Variants in KIFC3 observed in about 807,000 individuals in gnomAD.
The protein encoded by KIFC3 is kinesin-like protein KIFC3.
A neutral mutation model predicts 101.8 loss-of-function variants in KIFC3; 60 were observed. The ratio of observed to expected loss-of-function variants is 0.59; its 90% CI spans 0.48 to 0.73. KIFC3 has a LOEUF of 0.73. Among genes scored for constraint, KIFC3 ranks in the 30% least tolerant of loss-of-function variants. The pLI is 0.00. For missense variants in KIFC3, 966 were observed against 1,137.1 expected (o/e 0.85, Z 2.16); for synonymous variants, 476 against 482.7 (o/e 0.99, Z 0.18).
At position 57,802,324 on chromosome 16, in the gene KIFC3, G is replaced by A. The variant is rs1417371556; in HGVS notation, c.-40+46C>T. 3.2e-6 allele frequency: 3 copies of A among 930,838 alleles called. No homozygotes were observed. The highest frequency in any genetic ancestry group is 3.8e-6 in the Non-Finnish European group (3 of 780,964). 57.7% of individuals were successfully genotyped at this position (930,838 alleles called of 1,614,324 possible). On this transcript the variant is annotated intron_variant, in intron 1 of 19. Coordinates refer to ENST00000445690, the MANE Select transcript of KIFC3 (RefSeq NM_001130100.2). This position sits in a 1 kb window ranked among gnomAD's most constrained non-coding sequence, Gnocchi z 5.0. ...CGCCCCAAACGGCGGGCCGGGCAGA[G>A]CCCAGCGCCCCGCTCGCACCCAGCC...
Position 57,760,795 on chromosome 16 carries a change from G to A in KIFC3, c.2163C>T (p.Arg721=), listed in dbSNP as rs782814113. The change falls in exon 16 of 20, where the codon CGC becomes CGT. Residue 721 remains arginine (R), a synonymous_variant. Transcript: ENST00000445690. ...LRSRQGHVPF[R]NSKLTYLLQD... The stretch of plus-strand genomic sequence containing the variant: ...GCAGCAGGTAGGTGAGCTTGGAGTT[G>A]CGGAAGGGCACGTGGCCCTGGCGGG... 14 of 1,613,850 alleles carry A rather than the reference G, an allele frequency of 8.7e-6. No individual in the cohort carries two copies. In the East Asian group the frequency reaches 2.9e-4, roughly 33 times the overall value.
At chr16:57,787,992 G>A (rs1002447525) in intron 3 of KIFC3, among the ~76,000 whole-genome samples, 30 of 152,300 alleles carry the variant, frequency 2.0e-4, no homozygotes, top group African/African-American at 6.3e-4. Flanking sequence ...CCAGGCTCTC[G>A]CTTACTGCGA....
chr16:57,853,078 A>T (rs2056090762), intron 1 of KIFC3, among the ~76,000 whole-genome samples: 1 of 152,194 alleles, frequency 6.6e-6, no homozygotes, highest in South Asian at 2.1e-4. Flanking sequence ...AAAATAAGAA[A>T]TATAATCAAA....
In KIFC3 at chr16:57,760,954, C is replaced by T. The variant is rs994434587; in HGVS notation, c.2004G>A (p.Gly668=). The change falls in exon 16 of 20, where the codon GGG becomes GGA. Residue 668 remains glycine (G), a splice_region_variant and synonymous_variant. Coordinates refer to ENST00000445690, the MANE Select transcript of KIFC3 (RefSeq NM_001130100.2). ...VDCSTGLRTT[G]KLNLVDLAGS... is the part of the protein sequence containing the mutation. ...CAGCCAAGTCCACCAGGTTCAGCTT[C>T]CCTGCAGGGAAGGCACCCACCAGAT... is the stretch of plus-strand genomic sequence containing the variant. 1.0e-5 allele frequency: 16 copies of T among 1,606,786 alleles called. No individual in the cohort carries two copies. Among genetic ancestry groups the T allele is most frequent in the Non-Finnish European group, 1.4e-5 (16 of 1,178,640 alleles).
chr16:57,821,906 C>T (rs1541704), intron 1 of KIFC3, among the ~76,000 whole-genome samples: 5 of 151,696 alleles, frequency 3.3e-5, no homozygotes, highest in African/African-American at 9.7e-5. Context: ...GAGTGAGACC[C>T]GTCTCTACCA....
chr16:57,816,609 T>TAGC (rs1193014186), intron 1 of KIFC3: 3 of 456,608 alleles, frequency 6.6e-6, no homozygotes, highest in African/African-American at 4.0e-5. Context: ...CTGAGGCATC[T>TAGC]GCTGAGCTGT....
At chr16:57,850,090 T>C (rs2056017515) in intron 1 of KIFC3, among the ~76,000 whole-genome samples, 2 of 151,030 alleles carry the variant, frequency 1.3e-5, no homozygotes, top group African/African-American at 4.9e-5. Context: ...CAAGACCCTT[T>C]CTCTAAAAAA....
At chr16:57,854,920 A>T (rs754272799) in intron 1 of KIFC3, among the ~76,000 whole-genome samples, 13 of 152,076 alleles carry the variant, frequency 8.5e-5, no homozygotes, top group Non-Finnish European at 1.9e-4. Context: ...ATAATCCATG[A>T]ATCAAAGTGG....
At chr16:57,815,131 G>C (rs2055191162) in intron 1 of KIFC3, among the ~76,000 whole-genome samples, 1 of 152,168 alleles carries the variant, frequency 6.6e-6, no homozygotes, top group Non-Finnish European at 1.5e-5. Context: ...GCAGTCTGTT[G>C]TGGCTGGGAA....
intron 1 of KIFC3, among the ~76,000 whole-genome samples, chr16:57,831,780 C>T (rs1555479344): frequency 6.6e-6 from 1 of 152,190 alleles, no homozygotes; most frequent in Non-Finnish European, 1.5e-5. Flanking sequence ...ACAATGAGGG[C>T]CTAGACTTTC....
chr16:57,809,212 G>A (rs1462678554), intron 1 of KIFC3, among the ~76,000 whole-genome samples: 1 of 152,138 alleles, frequency 6.6e-6, no homozygotes, highest in East Asian at 1.9e-4. Flanking sequence ...GACATCATAG[G>A]ATAAAGCCAA....
chr16:57,813,652 T>C, intron 1 of KIFC3: 1 of 984,028 alleles, frequency 1.0e-6, no homozygotes, highest in Non-Finnish European at 1.2e-6. Flanking sequence ...GGATTTCCTA[T>C]GCTCTGAAGC....
intron 3 of KIFC3, among the ~76,000 whole-genome samples, chr16:57,782,655 AAGG>A (rs1403578024): frequency 6.6e-6 from 1 of 152,192 alleles, no homozygotes; most frequent in East Asian, 1.9e-4. Flanking sequence ...CAGAAGGTTC[AAGG>A]ACAGGCTGGG....
chr16:57,815,571 C>T, intron 1 of KIFC3: 2 of 1,289,714 alleles, frequency 1.6e-6, no homozygotes, highest in South Asian at 2.5e-5. Context: ...ATGCCTTAGT[C>T]ACCCTCACCA....
At chr16:57,841,227 T>C (rs2055803823) in intron 1 of KIFC3, among the ~76,000 whole-genome samples, 1 of 152,152 alleles carries the variant, frequency 6.6e-6, no homozygotes, top group African/African-American at 2.4e-5. Context: ...TTTTTCCAGC[T>C]CTTGAAGTAG....
chr16:57,759,936 AG>A, intron 17 of KIFC3, 100 bp from the exon 18 acceptor site: 1 of 843,320 alleles, frequency 1.2e-6, no homozygotes, highest in Non-Finnish European at 1.8e-6. Context: ...CCTAACACCC[AG>A]TTTCCTCATC....
Position 57,766,894 on chromosome 16 carries a change from T to C in KIFC3, c.1310A>G (p.Asn437Ser), listed in dbSNP as rs781953652. Residue 437 changes from asparagine to serine, a missense_variant, in exon 10 of 20, where the codon AAT becomes AGT. Asn to Ser is a conservative substitution (Grantham distance 46, BLOSUM62 1). This residue lies in a region of KIFC3 where 689 missense variants were observed against 884.6 expected (regional missense o/e 0.78). Transcript: ENST00000445690. ...GTCACCTTTCAGCCGCACGAGCTCA[T>C]TGTGGCACTTCTTACGCAGCTGCAG... ...RELQLRKKCH[N>S]ELVRLKGNIR... 1 of 1,610,722 alleles carries C rather than the reference T, an allele frequency of 6.2e-7. No individual in the cohort carries two copies. Among genetic ancestry groups the C allele is most frequent in the Non-Finnish European group, 8.5e-7 (1 of 1,179,870 alleles).
At chr16:57,783,780 C>T (rs1555616171) in intron 3 of KIFC3, among the ~76,000 whole-genome samples, 1 of 152,078 alleles carries the variant, frequency 6.6e-6, no homozygotes, top group Admixed American at 6.5e-5. Flanking sequence ...GCCCACAAAG[C>T]CCTTTAAAAA....
chr16:57,830,330 C>T (rs541360498), intron 1 of KIFC3, among the ~76,000 whole-genome samples: 2 of 150,944 alleles, frequency 1.3e-5, no homozygotes, highest in African/African-American at 2.4e-5. Context: ...CTCCCCCTCC[C>T]GGGTTCCAGC....
Sources: gnomAD v4.1 joint callset for allele counts (sites outside exome capture counted in the v4.1 genomes callset) on GRCh38, gnomAD v4.1.1 for gene constraint, gnomAD v4.1.1 regional missense constraint, Gnocchi (gnomAD v3.1) non-coding constraint, MANE v1.5 for transcripts, NCBI Gene and HGNC (gene_info 2026-07-23, HGNC 2026-07-21) for gene names.